The following TGFA variants were observed in gnomAD, a reference collection of about 807,000 sequenced individuals.
TGFA encodes the protein transforming growth factor alpha.
TGFA carries 12 observed loss-of-function variants against 21.7 expected under a neutral mutation model. The observed-to-expected ratio is 0.55, with a 90% CI of 0.35 to 0.90. TGFA has a LOEUF of 0.90. TGFA is among the 40% of genes least tolerant of loss of function. The pLI is 0.01. For synonymous variants in TGFA, 79 were observed against 88.1 expected (o/e 0.90, Z 0.58); for missense variants, 178 against 210.8 (o/e 0.84, Z 0.96).
At chr2:70,472,679 A>G (rs1559107104) in intron 2 of TGFA, among the ~76,000 whole-genome samples, 1 of 152,130 alleles carries the variant, frequency 6.6e-6, no homozygotes, top group Non-Finnish European at 1.5e-5. Flanking sequence ...CCCTGAGCGC[A>G]ATCACCCCCT....
At chr2:70,498,023 C>A (rs908777940) in intron 2 of TGFA, among the ~76,000 whole-genome samples, 62 of 152,160 alleles carry the variant, frequency 4.1e-4, no homozygotes, top group Admixed American at 2.6e-3. Flanking sequence ...ATTTTTATAA[C>A]CAAAGAAAAC....
rs578038331 is a variant in TGFA, at chr2:70,486,751, C to T, written c.95-21015G>A. Among the ~76,000 whole-genome samples, 7 of 152,048 alleles carry T rather than the reference C, an allele frequency of 4.6e-5. No homozygotes were observed. In the East Asian group the frequency reaches 1.4e-3, roughly 29 times the overall value. On this transcript the variant is annotated intron_variant, in intron 2 of 5. Coordinates refer to ENST00000295400, the MANE Select transcript of TGFA (RefSeq NM_003236.4). ...TGCTGGAATTATAGGCGTGAGCTACCATGCCTGCCTATTTCTTGGTGTTTT... is the reference window on the plus strand; with the variant it reads ...TGCTGGAATTATAGGCGTGAGCTACTATGCCTGCCTATTTCTTGGTGTTTT...
At chr2:70,521,765 C>T (rs1349756775) in intron 1 of TGFA, among the ~76,000 whole-genome samples, 3 of 151,946 alleles carry the variant, frequency 2.0e-5, no homozygotes, top group Non-Finnish European at 2.9e-5. Context: ...CAGGCACGCG[C>T]CACCATGCCT....
At chr2:70,520,711 G>T (rs1672422276) in intron 1 of TGFA, among the ~76,000 whole-genome samples, 1 of 151,858 alleles carries the variant, frequency 6.6e-6, no homozygotes, top group South Asian at 2.1e-4. Flanking sequence ...ACAAGTGTAG[G>T]CTGTTGAAGT....
chr2:70,463,980 T>A (rs1387227144), intron 3 of TGFA, among the ~76,000 whole-genome samples: 1 of 152,234 alleles, frequency 6.6e-6, no homozygotes, highest in East Asian at 1.9e-4. Flanking sequence ...TGGAGGAGTT[T>A]CTTAGCCCTG....
intron 2 of TGFA, among the ~76,000 whole-genome samples, chr2:70,511,116 C>T (rs1672085160): frequency 1.3e-5 from 2 of 152,204 alleles, no homozygotes; most frequent in South Asian, 4.1e-4. Context: ...GTCGGCTTCA[C>T]CCTGAGTACT....
intron 1 of TGFA, among the ~76,000 whole-genome samples, chr2:70,535,908 T>C (rs1672955805): frequency 6.6e-6 from 1 of 152,226 alleles, no homozygotes; most frequent in Non-Finnish European, 1.5e-5. Context: ...TTATTTGAAA[T>C]TATGACCTCA....
rs7578860 is a variant in TGFA, at chr2:70,468,057, G to C, written c.95-2321C>G. 2.7e-3 allele frequency among the ~76,000 whole-genome samples: 415 copies of C among 152,220 alleles called. 1 individual carries two copies. The highest frequency in any genetic ancestry group is 8.5e-3 in the African/African-American group (353 of 41,516). ...AATGAGGTAATGCTTGTTAAGTTCT[G>C]TACTCAAGAGATTGTCTGGTATGAC... On this transcript the variant is annotated intron_variant, in intron 2 of 5. Coordinates refer to ENST00000295400, the MANE Select transcript of TGFA (RefSeq NM_003236.4).
In TGFA at chr2:70,450,705, A is replaced by T; in HGVS notation, c.*154T>A. 1.3e-6 allele frequency: 1 copy of T among 761,728 alleles called. No homozygotes were observed. The highest frequency in any genetic ancestry group is 2.2e-6 in the Non-Finnish European group (1 of 453,850). 47.2% of individuals were successfully genotyped at this position (761,728 alleles called of 1,614,324 possible). On this transcript the variant is annotated 3_prime_UTR_variant, in exon 6 of 6. Transcript: ENST00000295400. ...CCCAAGCAGACGGAGTTCTTGACAG[A>T]GTTTTGAAGGCCCACAAAAGGCTGC...
rs572596228 is a variant in TGFA at position 70,479,236 on chromosome 2, G to T, written c.95-13500C>A. Among the ~76,000 whole-genome samples the T allele has an allele frequency of 7.2e-5, 11 of 152,226 alleles. No homozygotes were observed. The South Asian group carries it at 2.3e-3, about 32-fold the overall frequency. On this transcript the variant is annotated intron_variant, in intron 2 of 5. Transcript: ENST00000295400. ...TCTTTGGACATTTTTTCCAGGAAGG[G>T]CATGTGAAAAGTATATCCATATAAC...
chr2:70,537,845 G>A (rs1673018966), intron 1 of TGFA, among the ~76,000 whole-genome samples: 1 of 152,194 alleles, frequency 6.6e-6, no homozygotes, highest in Admixed American at 6.5e-5. Context: ...CATTGATGAA[G>A]GTGGCTACTC....
In TGFA at chr2:70,504,449, T is replaced by C. The variant is rs200396553; in HGVS notation, c.94+10410A>G. Among the ~76,000 whole-genome samples the C allele has an allele frequency of 5.8e-5, 4 of 69,078 alleles. No homozygotes were observed. In the South Asian group the frequency reaches 1.1e-3, roughly 19 times the overall value. 45.3% of individuals were successfully genotyped at this position (69,078 alleles called of 152,430 possible). Reference sequence around the variant, plus strand: ...AACAAAACAAATATATATATATATATATATATATATATATACACACATACA... The same window carrying C: ...AACAAAACAAATATATATATATATACATATATATATATATACACACATACA... On this transcript the variant is annotated intron_variant, in intron 2 of 5. Transcript: ENST00000295400.
chr2:70,456,937 ATCT>A (rs782258024), intron 3 of TGFA, among the ~76,000 whole-genome samples: 5 of 152,186 alleles, frequency 3.3e-5, no homozygotes, highest in South Asian at 2.1e-4. Context: ...TTGCCTTTTT[ATCT>A]TCTTCAAGTT....
At chr2:70,495,046 C>T (rs566779460) in intron 2 of TGFA, among the ~76,000 whole-genome samples, 1 of 152,292 alleles carries the variant, frequency 6.6e-6, no homozygotes, top group East Asian at 1.9e-4. Context: ...CCACTTATTT[C>T]CTTGGAGAAA....
At chr2:70,521,367 C>T (rs1553502231) in intron 1 of TGFA, among the ~76,000 whole-genome samples, 2 of 152,188 alleles carry the variant, frequency 1.3e-5, no homozygotes, top group African/African-American at 4.8e-5. Context: ...GCACTCCCAA[C>T]TTGGTGCCTT....
At chr2:70,462,421 A>G (rs1553491564) in intron 3 of TGFA, among the ~76,000 whole-genome samples, 1 of 152,238 alleles carries the variant, frequency 6.6e-6, no homozygotes, top group African/African-American at 2.4e-5. Flanking sequence ...AAAGTGAGCC[A>G]AGTGGCCTAG....
intron 2 of TGFA, among the ~76,000 whole-genome samples, chr2:70,476,360 C>A (rs782684160): frequency 6.6e-6 from 1 of 152,132 alleles, no homozygotes; most frequent in African/African-American, 2.4e-5. Flanking sequence ...TGGCTTTGAA[C>A]GAGAATGTGA....
chr2:70,452,252 G>A (rs910200428), intron 5 of TGFA, among the ~76,000 whole-genome samples: 1 of 152,072 alleles, frequency 6.6e-6, no homozygotes, highest in Non-Finnish European at 1.5e-5. Context: ...GGGCTCTCTT[G>A]GTCAAAATTG....
intron 2 of TGFA, among the ~76,000 whole-genome samples, chr2:70,496,790 G>A (rs149550166): frequency 6.6e-6 from 1 of 152,248 alleles, no homozygotes; most frequent in East Asian, 1.9e-4. Flanking sequence ...GGGTACTGGG[G>A]ATCCATTAAT....
Sources: allele counts gnomAD v4.1 joint callset (sites outside exome capture counted in the v4.1 genomes callset), GRCh38; gene constraint gnomAD v4.1.1; transcripts MANE v1.5; gene names NCBI Gene and HGNC (gene_info 2026-07-23, HGNC 2026-07-21).